The following RGS22 variants were observed in gnomAD, a reference collection of about 807,000 sequenced individuals.
RGS22 encodes the protein regulator of G-protein signaling 22.
A neutral mutation model predicts 172.9 loss-of-function variants in RGS22; 148 were observed. The ratio of observed to expected loss-of-function variants is 0.86; its 90% CI spans 0.75 to 0.98. The LOEUF is 0.98. Ranked by LOEUF, RGS22 falls within the 50% of genes least tolerant of loss-of-function variation. RGS22 has a pLI of 0.00. For synonymous variants in RGS22, 458 were observed against 480.2 expected (o/e 0.95, Z 0.60); for missense variants, 1,347 against 1,440.8 (o/e 0.93, Z 1.05).
chr8:100,096,663 T>TA (rs545113362), intron 2 of RGS22, among the ~76,000 whole-genome samples: 3 of 135,270 alleles, frequency 2.2e-5, no homozygotes, highest in Admixed American at 7.2e-5. Context: ...TTAGCTAATT[T>TA]AAAAAAAATT....
At position 100,072,146 on chromosome 8, in the gene RGS22, T is replaced by A; in HGVS notation, c.424A>T (p.Arg142Trp). 1 of 1,565,354 alleles carries A rather than the reference T, an allele frequency of 6.4e-7. No individual in the cohort carries two copies. Among genetic ancestry groups the A allele is most frequent in the South Asian group, 1.1e-5 (1 of 87,716 alleles). Reference protein sequence around the residue: ...FLESDCYFEYRLAKLVSQVRW... With the variant: ...FLESDCYFEYWLAKLVSQVRW... Reference sequence around the variant, plus strand: ...CATATATTGATGGGACTATAGTACCTGTATTCAAAGTAACAATCACTTTCC... The same window carrying A: ...CATATATTGATGGGACTATAGTACCAGTATTCAAAGTAACAATCACTTTCC... The change falls in exon 5 of 28, where the codon AGG becomes TGG. Residue 142 changes from arginine to tryptophan, a missense_variant and splice_region_variant. Coordinates refer to ENST00000360863, the MANE Select transcript of RGS22 (RefSeq NM_015668.5).
At position 100,063,942 on chromosome 8, in the gene RGS22, CT is replaced by C; in HGVS notation, c.825del (p.Glu276LysfsTer16). The C allele has an allele frequency of 6.3e-7, 1 of 1,579,644 alleles. No individual in the cohort carries two copies. The highest frequency in any genetic ancestry group is 8.6e-7 in the Non-Finnish European group (1 of 1,162,908). On this transcript the variant is annotated frameshift_variant, in exon 8 of 28. Transcript: ENST00000360863. LOFTEE classifies it high-confidence loss of function. ...ISEFEEEEGE[E>X]EEVSVSLQDT... ...TCTTGTAGAGATACAGACACCTCTT[CT>C]TCTTCTCCTTCTTCTTCTTCAAATT...
At chr8:100,050,662 A>C (rs1821182168) in intron 10 of RGS22, among the ~76,000 whole-genome samples, 1 of 152,200 alleles carries the variant, frequency 6.6e-6, no homozygotes, top group South Asian at 2.1e-4. Context: ...CACAGGTCGT[A>C]TCTACAGTTA....
At position 100,071,371 on chromosome 8, in the gene RGS22, C is replaced by G. The variant is rs201153468; in HGVS notation, c.592G>C (p.Glu198Gln). The G allele has an allele frequency of 3.0e-5, 48 of 1,604,280 alleles. No individual in the cohort carries two copies. Among genetic ancestry groups the G allele is most frequent in the Middle Eastern group, 1.7e-4 (1 of 6,028 alleles). The change falls in exon 6 of 28, where the codon GAG (glutamate) becomes CAG (glutamine). Residue 198 changes from glutamate to glutamine, a missense_variant and splice_region_variant. Coordinates refer to ENST00000360863, the MANE Select transcript of RGS22 (RefSeq NM_015668.5). ...TGAAAAAATGCTCATACTTTTACCTCACCAAGTGATACATAGAACTTTTTC... is the reference window on the plus strand; with the variant it reads ...TGAAAAAATGCTCATACTTTTACCTGACCAAGTGATACATAGAACTTTTTC... Reference protein sequence around the residue: ...IMKKFYVSLGEASYTQTKDWF... With the variant: ...IMKKFYVSLGQASYTQTKDWF...
At chr8:100,037,358 T>A (rs1819616643) in intron 14 of RGS22, among the ~76,000 whole-genome samples, 1 of 152,206 alleles carries the variant, frequency 6.6e-6, no homozygotes, top group African/African-American at 2.4e-5. Flanking sequence ...AGAGCAAGTA[T>A]GTCAAAAAAC....
chr8:100,100,396 TCTC>T (rs1586299283), intron 2 of RGS22, among the ~76,000 whole-genome samples: 1 of 151,998 alleles, frequency 6.6e-6, no homozygotes, highest in East Asian at 1.9e-4. Context: ...TTCAAGCAAT[TCTC>T]CTGCTTCAGC....
chr8:99,966,448 C>T (rs1810741932), intron 23 of RGS22, among the ~76,000 whole-genome samples: 1 of 150,008 alleles, frequency 6.7e-6, no homozygotes, highest in South Asian at 2.1e-4. Flanking sequence ...AATTAAATTT[C>T]CTTAAAAAAA....
rs574009046 is a variant in RGS22 at position 100,076,790 on chromosome 8, C to T, written c.339+3344G>A. 2.6e-3 allele frequency among the ~76,000 whole-genome samples: 389 copies of T among 152,220 alleles called. 2 individuals carry two copies. Among genetic ancestry groups the T allele is most frequent in the African/African-American group, 9.0e-3 (375 of 41,522 alleles). On this transcript the variant is annotated intron_variant, in intron 4 of 27. Transcript: ENST00000360863. The stretch of plus-strand genomic sequence containing the variant: ...GGCGGATCACTTGAGGCCAGGAGTT[C>T]GAGAGCAGCCTGGCCGACATGGCAA...
Position 99,962,890 on chromosome 8 carries a change from A to C in RGS22, c.3704T>G (p.Phe1235Cys). 6.3e-7 allele frequency: 1 copy of C among 1,596,438 alleles called. No individual in the cohort carries two copies. The highest frequency in any genetic ancestry group is 8.5e-7 in the Non-Finnish European group (1 of 1,175,938). ...KIQEELEKKL[F>C]AGLQPLTNFK... is the part of the protein sequence containing the mutation. ...AGGCAGAAGGCAAAAATTACCTGCA[A>C]ACAACTTTTTTTCTAGTTCTTCTTG... Residue 1235 changes from phenylalanine (F) to cysteine (C), a missense_variant, in exon 25 of 28, where the codon TTT becomes TGT. Physicochemically the swap from Phe to Cys is radical, Grantham distance 205. Transcript: ENST00000360863.
chr8:99,971,497 C>T (rs1187121137), intron 23 of RGS22, among the ~76,000 whole-genome samples: 2 of 152,182 alleles, frequency 1.3e-5, no homozygotes, highest in Admixed American at 1.3e-4. Context: ...CAGCCAAAAA[C>T]TCCTTAAGCT....
At chr8:100,068,611 C>A (rs1018288322) in intron 6 of RGS22, among the ~76,000 whole-genome samples, 1 of 151,934 alleles carries the variant, frequency 6.6e-6, no homozygotes, top group Non-Finnish European at 1.5e-5. Flanking sequence ...TAGGACATTT[C>A]CAACATTTCT....
intron 19 of RGS22, among the ~76,000 whole-genome samples, chr8:99,997,033 G>T (rs117290862): frequency 3.5e-4 from 53 of 152,286 alleles, no homozygotes; most frequent in Non-Finnish European, 5.3e-4. Context: ...TCCAGAAGCA[G>T]ATCTAGAGAG....
At chr8:100,060,776 T>C (rs1277863315) in intron 9 of RGS22, among the ~76,000 whole-genome samples, 4 of 152,186 alleles carry the variant, frequency 2.6e-5, no homozygotes, top group African/African-American at 9.6e-5. Flanking sequence ...GCTATTCCTA[T>C]TAGACTACCA....
At chr8:99,966,300 C>T (rs528651561) in intron 23 of RGS22, among the ~76,000 whole-genome samples, 4 of 152,122 alleles carry the variant, frequency 2.6e-5, no homozygotes, top group African/African-American at 7.2e-5. Flanking sequence ...GGCAAGTGAA[C>T]GATGAAATAC....
Position 99,999,396 on chromosome 8 carries a change from C to T in RGS22, c.2815G>A (p.Gly939Arg), listed in dbSNP as rs756930204. The change falls in exon 19 of 28, where the codon GGG (glycine) becomes AGG (arginine). Residue 939 changes from glycine (G) to arginine (R), a missense_variant. Coordinates refer to ENST00000360863, the MANE Select transcript of RGS22 (RefSeq NM_015668.5). ...NQVMHLSGGW[G>R]KILHEQLDAP... The stretch of plus-strand genomic sequence containing the variant: ...TCAAGCTGCTCATGAAGAATCTTCC[C>T]CCAGCCACCACTTAAATGCATTACC... 6.2e-7 allele frequency: 1 copy of T among 1,613,700 alleles called. No individual in the cohort carries two copies. Among genetic ancestry groups the T allele is most frequent in the Non-Finnish European group, 8.5e-7 (1 of 1,179,834 alleles).
At chr8:100,076,992 C>CA (rs1042538946) in intron 4 of RGS22, among the ~76,000 whole-genome samples, 24 of 141,838 alleles carry the variant, frequency 1.7e-4, no homozygotes, top group Admixed American at 4.2e-4. Context: ...GACCCTGTCT[C>CA]AAAAAAAAAG....
At chr8:99,961,279 CTT>C in intron 27 of RGS22, 83 bp from the exon 28 acceptor site, 1 of 420,370 alleles carries the variant, frequency 2.4e-6, no homozygotes, top group Non-Finnish European at 4.7e-6. Context: ...CAACAAAAAA[CTT>C]ATATAGAATT....
At chr8:100,027,038 T>G (rs910785467) in intron 14 of RGS22, among the ~76,000 whole-genome samples, 6 of 152,186 alleles carry the variant, frequency 3.9e-5, no homozygotes, top group Non-Finnish European at 1.5e-5. Context: ...AAGACAAGCC[T>G]GGGCAACATG....
intron 6 of RGS22, among the ~76,000 whole-genome samples, chr8:100,070,027 CAA>C (rs777398611): frequency 2.5e-5 from 1 of 39,894 alleles, no homozygotes; most frequent in African/African-American, 1.0e-4. Context: ...GACTCTGTCT[CAA>C]AAAAAAAAAA....
Sources: gnomAD v4.1 joint callset for allele counts (sites outside exome capture counted in the v4.1 genomes callset) on GRCh38, gnomAD v4.1.1 for gene constraint, MANE v1.5 for transcripts, NCBI Gene and HGNC (gene_info 2026-07-23, HGNC 2026-07-21) for gene names.